The following SLC6A5 variants were observed in gnomAD, a reference collection of about 807,000 sequenced individuals.
SLC6A5 encodes the protein solute carrier family 6 member 5.
A neutral mutation model predicts 90.5 loss-of-function variants in SLC6A5; 58 were observed. The ratio of observed to expected loss-of-function variants is 0.64; its 90% CI spans 0.52 to 0.80. SLC6A5 has a LOEUF of 0.80. Ranked by LOEUF, SLC6A5 falls within the 30% of genes least tolerant of loss-of-function variation. The probability of loss-of-function intolerance (pLI) is 0.00; values close to 1 mark genes in which losing one functional copy is unlikely to be tolerated. For missense variants in SLC6A5, 1,015 were observed against 1,017.6 expected, an observed-to-expected ratio of 1.00 and a Z score of 0.03; for synonymous variants, 427 against 401.4, an observed-to-expected ratio of 1.06 and a Z score of -0.76.
At chr11:20,607,188 C>T (rs773457888) in intron 4 of SLC6A5, 50 bp downstream of exon 4, 27 of 1,568,240 alleles carry the variant, frequency 1.7e-5, no homozygotes, top group East Asian at 4.7e-5. Context: ...TTACTCTGTC[C>T]CCTCTGGCAC....
rs141319165 is a variant in SLC6A5, at chr11:20,635,735, A to G, written c.1625-572A>G. On this transcript the variant is annotated intron_variant, in intron 10 of 15. Transcript: ENST00000525748. ...AGAGCGGGGATTCTCAAACCTCAGC[A>G]CTATTGACATTTGAGACAGGATAAT... Among the ~76,000 whole-genome samples, 470 of 152,298 alleles carry G rather than the reference A, an allele frequency of 3.1e-3. 2 individuals carry two copies. Among genetic ancestry groups the G allele is most frequent in the Middle Eastern group, 0.01 (3 of 294 alleles).
chr11:20,646,548 T>A (rs1258545213), intron 13 of SLC6A5, among the ~76,000 whole-genome samples: 5 of 152,218 alleles, frequency 3.3e-5, no homozygotes, highest in African/African-American at 1.2e-4. Context: ...GCTGAGAGTC[T>A]GGGCCAGGCT....
chr11:20,656,889 T>C lies in SLC6A5; in HGVS notation c.*2021T>C, dbSNP rs978281124. On this transcript the variant is annotated 3_prime_UTR_variant, in exon 16 of 16. Transcript: ENST00000525748. ...GATTTCTCTAAGAAAGCCATATTGA[T>C]GAGAAGCCCCCAATTACTGCAGCAG... The C allele has an allele frequency of 4.6e-5, 7 of 152,170 alleles. No individual in the cohort carries two copies. Among genetic ancestry groups the C allele is most frequent in the African/African-American group, 1.7e-4 (7 of 41,418 alleles). 9.4% of individuals were successfully genotyped at this position (152,170 alleles called of 1,614,324 possible).
At chr11:20,630,670 A>G in intron 9 of SLC6A5, 21 bp from the exon 10 acceptor site, 1 of 1,613,724 alleles carries the variant, frequency 6.2e-7, no homozygotes, top group Non-Finnish European at 8.5e-7. Context: ...CTAATGGAAA[A>G]CTCTGGTCTC....
intron 2 of SLC6A5, 24 bp downstream of exon 2, chr11:20,601,689 G>A (rs763973437): frequency 3.7e-5 from 59 of 1,606,626 alleles, no homozygotes; most frequent in South Asian, 1.2e-4. Flanking sequence ...ATTACGGCCC[G>A]CACAGTGTCC....
intron 13 of SLC6A5, among the ~76,000 whole-genome samples, chr11:20,639,171 C>T (rs11604555): frequency 6.6e-6 from 1 of 152,054 alleles, no homozygotes; most frequent in South Asian, 2.1e-4. Context: ...CTATCAGATG[C>T]CATCTTTTCC....
At chr11:20,608,531 A>C (rs950218856) in intron 5 of SLC6A5, among the ~76,000 whole-genome samples, 3 of 152,242 alleles carry the variant, frequency 2.0e-5, no homozygotes, top group African/African-American at 7.2e-5. Flanking sequence ...GATTGCTGTA[A>C]GGAGAAAAGA....
intron 6 of SLC6A5, among the ~76,000 whole-genome samples, chr11:20,617,342 A>C (rs951482260): frequency 3.3e-5 from 5 of 152,250 alleles, no homozygotes; most frequent in South Asian, 4.1e-4. Flanking sequence ...AAAATCACAC[A>C]AATACTACCA....
chr11:20,641,293 C>T (rs1355107762), intron 13 of SLC6A5, among the ~76,000 whole-genome samples: 1 of 152,132 alleles, frequency 6.6e-6, no homozygotes, highest in Non-Finnish European at 1.5e-5. Flanking sequence ...TTTCCCCAAC[C>T]TCAACATGGA....
chr11:20,640,916 T>C (rs1438813835), intron 13 of SLC6A5, among the ~76,000 whole-genome samples: 1 of 152,174 alleles, frequency 6.6e-6, no homozygotes, highest in Non-Finnish European at 1.5e-5. Flanking sequence ...TGAAGACATT[T>C]GTGTTTTCTT....
intron 7 of SLC6A5, among the ~76,000 whole-genome samples, chr11:20,626,379 G>T (rs1852994272): frequency 6.6e-6 from 1 of 151,988 alleles, no homozygotes; most frequent in African/African-American, 2.4e-5. Flanking sequence ...TGGGCACAGA[G>T]CCCCCCTCCC....
intron 5 of SLC6A5, among the ~76,000 whole-genome samples, chr11:20,611,290 A>C (rs1274854627): frequency 6.6e-6 from 1 of 152,138 alleles, no homozygotes; most frequent in Non-Finnish European, 1.5e-5. Context: ...CCCTGTCTCT[A>C]CTAAAAATAC....
intron 3 of SLC6A5, among the ~76,000 whole-genome samples, chr11:20,604,861 G>A (rs1381813048): frequency 6.6e-6 from 1 of 152,162 alleles, no homozygotes; most frequent in Non-Finnish European, 1.5e-5. Context: ...TCTAAGAGGT[G>A]AGGGGGAAGG....
intron 7 of SLC6A5, among the ~76,000 whole-genome samples, chr11:20,622,639 A>T (rs1257992467): frequency 2.0e-5 from 3 of 152,208 alleles, no homozygotes; most frequent in Non-Finnish European, 4.4e-5. Context: ...TGGGACAAAT[A>T]TACCTGGCCA....
chr11:20,599,627 A>G lies in SLC6A5; in HGVS notation c.-46A>G, dbSNP rs753443417. Reference sequence around the variant, plus strand: ...CTGAGCCAAACCCAGTCTTGTCAATAGCGGGTTTCACCCTCCACCAGTTCA... The same window carrying G: ...CTGAGCCAAACCCAGTCTTGTCAATGGCGGGTTTCACCCTCCACCAGTTCA... On this transcript the variant is annotated 5_prime_UTR_variant, in exon 1 of 16. In the 5' UTR this introduces an upstream ATG that the reference lacks. Transcript: ENST00000525748. 105 of 1,613,686 alleles carry G rather than the reference A, an allele frequency of 6.5e-5. No homozygotes were observed. The highest frequency in any genetic ancestry group is 8.0e-5 in the African/African-American group (6 of 74,920).
intron 12 of SLC6A5, among the ~76,000 whole-genome samples, chr11:20,638,184 T>G (rs1293454814): frequency 6.6e-6 from 1 of 152,248 alleles, no homozygotes; most frequent in Non-Finnish European, 1.5e-5. Context: ...CCTTGACCTT[T>G]GCCTTTCAAG....
intron 14 of SLC6A5, among the ~76,000 whole-genome samples, chr11:20,649,064 C>A (rs1349405912): frequency 6.6e-5 from 10 of 152,158 alleles, no homozygotes; most frequent in Non-Finnish European, 1.5e-4. Flanking sequence ...GTACTTTCAT[C>A]TTCAATTAGA....
chr11:20,624,788 G>C (rs1227664655), intron 7 of SLC6A5, among the ~76,000 whole-genome samples: 1 of 152,218 alleles, frequency 6.6e-6, no homozygotes, highest in Non-Finnish European at 1.5e-5. Context: ...TTTTAATGTA[G>C]CCTACCTGTG....
rs1459578817 is a variant in SLC6A5, at chr11:20,648,605, C to T, written c.2070+1671C>T. Among the ~76,000 whole-genome samples the T allele has an allele frequency of 5.3e-5, 8 of 152,112 alleles. No homozygotes were observed. The East Asian group carries it at 5.8e-4, about 11-fold the overall frequency. On this transcript the variant is annotated intron_variant, in intron 14 of 15. Coordinates refer to ENST00000525748, the MANE Select transcript of SLC6A5 (RefSeq NM_004211.5). ...CTAATCGGTGGGAAGAGAACATCTG[C>T]GAACAGACAGACTCACAGGCCTCCG...
Sources: gnomAD v4.1 joint callset for allele counts (sites outside exome capture counted in the v4.1 genomes callset) on GRCh38, gnomAD v4.1.1 for gene constraint, MANE v1.5 for transcripts, NCBI Gene and HGNC (gene_info 2026-07-23, HGNC 2026-07-21) for gene names.